Variants in AGFG1 observed in about 807,000 individuals in gnomAD.
AGFG1 encodes ArfGAP with FG repeats 1, also known as arf-GAP domain and FG repeat-containing protein 1.
A neutral mutation model predicts 60.6 loss-of-function variants in AGFG1; 10 were observed. The ratio of observed to expected loss-of-function variants is 0.16; its 90% CI spans 0.10 to 0.28. AGFG1 has a LOEUF of 0.28. AGFG1 is among the 10% of genes least tolerant of loss of function. The probability of loss-of-function intolerance (pLI) is 1.00; values close to 1 mark genes in which losing one functional copy is unlikely to be tolerated. For synonymous variants in AGFG1, 247 were observed against 242.9 expected (o/e 1.02, Z -0.16); for missense variants, 537 against 676.5 (o/e 0.79, Z 2.29).
At chr2:227,511,933 T>C (rs895562155) in intron 2 of AGFG1, among the ~76,000 whole-genome samples, 1 of 152,192 alleles carries the variant, frequency 6.6e-6, no homozygotes, top group Non-Finnish European at 1.5e-5. Context: ...GGAAAGAGTT[T>C]AGAAATTAGT....
intron 10 of AGFG1, among the ~76,000 whole-genome samples, chr2:227,548,099 T>C (rs1029321774): frequency 2.0e-5 from 3 of 152,086 alleles, no homozygotes; most frequent in Admixed American, 6.5e-5. Flanking sequence ...AGGCCACATA[T>C]TTGTGGTGGC....
intron 10 of AGFG1, among the ~76,000 whole-genome samples, chr2:227,550,864 G>T (rs1463065261): frequency 1.3e-5 from 2 of 152,124 alleles, no homozygotes; most frequent in Non-Finnish European, 2.9e-5. Flanking sequence ...AATTTTCATG[G>T]TATTTTGATT....
intron 2 of AGFG1, among the ~76,000 whole-genome samples, chr2:227,498,912 T>TA (rs1243860579): frequency 2.6e-5 from 4 of 152,210 alleles, no homozygotes; most frequent in East Asian, 1.9e-4. Context: ...TGTTATCTTC[T>TA]AAAAAATCTT....
At chr2:227,499,434 G>A (rs182629981) in intron 2 of AGFG1, among the ~76,000 whole-genome samples, 6 of 152,172 alleles carry the variant, frequency 3.9e-5, no homozygotes, top group Non-Finnish European at 8.8e-5. Context: ...GAGGCCAGGA[G>A]TTCGAGTCTA....
chr2:227,553,616 A>G, intron 11 of AGFG1, 88 bp from the exon 12 acceptor site: 1 of 1,063,372 alleles, frequency 9.4e-7, no homozygotes. Flanking sequence ...TCTGGTAGGA[A>G]TGTCTCTGAA....
At chr2:227,549,905 A>G (rs775946645) in intron 10 of AGFG1, among the ~76,000 whole-genome samples, 10 of 152,212 alleles carry the variant, frequency 6.6e-5, no homozygotes, top group Non-Finnish European at 1.5e-4. Context: ...TAAAAGTCTT[A>G]TTTTGTGAAT....
At chr2:227,474,995 G>A (rs1359673434) in intron 1 of AGFG1, among the ~76,000 whole-genome samples, 2 of 152,110 alleles carry the variant, frequency 1.3e-5, no homozygotes, top group Non-Finnish European at 2.9e-5. Flanking sequence ...CTGGTATATA[G>A]CAAGTGCCCT....
chr2:227,509,122 G>A (rs1282128627), intron 2 of AGFG1, among the ~76,000 whole-genome samples: 5 of 152,166 alleles, frequency 3.3e-5, no homozygotes, highest in Non-Finnish European at 7.4e-5. Flanking sequence ...GACTTTAAAT[G>A]GATAAAGATA....
chr2:227,472,327 CGGCCGCGGCCAGGGCGGCCCGTGG>C lies in AGFG1; in HGVS notation c.-93_-70del. The C allele has an allele frequency of 1.2e-6, 1 of 819,312 alleles. No homozygotes were observed. Among genetic ancestry groups the C allele is most frequent in the African/African-American group, 1.9e-5 (1 of 53,482 alleles). The allele number at this position is 819,312 out of a possible 1,614,324, so 50.8% of individuals were successfully genotyped here. A position where few individuals can be genotyped will look rare whatever the true frequency, so the allele number is the denominator to read the frequency against. ...GGCGGCGCGCGCAGACGGAGGGCGG[CGGCCGCGGCCAGGGCGGCCCGTGG>C]GACCGCGGGCCCCCGGCGCAGCGCT... On this transcript the variant is annotated 5_prime_UTR_variant, in exon 1 of 13. Coordinates refer to ENST00000310078, the MANE Select transcript of AGFG1 (RefSeq NM_004504.5).
intron 9 of AGFG1, 85 bp from the exon 10 acceptor site, chr2:227,536,816 T>C: frequency 6.5e-7 from 1 of 1,544,954 alleles, no homozygotes; most frequent in South Asian, 1.2e-5. Context: ...TTGAGTTTTC[T>C]GTCTTGATAA....
intron 2 of AGFG1, among the ~76,000 whole-genome samples, chr2:227,514,905 G>A (rs1182878703): frequency 2.0e-5 from 3 of 151,864 alleles, no homozygotes; most frequent in Middle Eastern, 3.2e-3. Context: ...CATACCAGTC[G>A]GTCTCCCTCA....
intron 10 of AGFG1, among the ~76,000 whole-genome samples, chr2:227,539,442 C>CAAA (rs542351308): frequency 2.5e-5 from 1 of 39,484 alleles, no homozygotes; most frequent in East Asian, 8.9e-4. Flanking sequence ...GACTCTGTCT[C>CAAA]AAAAAAAACA....
At chr2:227,526,677 GGATCACA>G (rs1692005400) in intron 5 of AGFG1, among the ~76,000 whole-genome samples, 1 of 150,446 alleles carries the variant, frequency 6.6e-6, no homozygotes, top group South Asian at 2.1e-4. Flanking sequence ...TGAGTAACTG[GGATCACA>G]GGCGCCCGCC....
intron 1 of AGFG1, among the ~76,000 whole-genome samples, chr2:227,490,082 C>G (rs943794792): frequency 6.6e-6 from 1 of 152,096 alleles, no homozygotes; most frequent in Non-Finnish European, 1.5e-5. Flanking sequence ...CCCCAAAGTG[C>G]TGGGGTTACA....
chr2:227,480,803 A>G (rs1433130511), intron 1 of AGFG1, among the ~76,000 whole-genome samples: 1 of 152,180 alleles, frequency 6.6e-6, no homozygotes, highest in Non-Finnish European at 1.5e-5. Flanking sequence ...ATGAGAGGTC[A>G]TTTTTGAAAG....
At chr2:227,549,147 A>G (rs993007074) in intron 10 of AGFG1, among the ~76,000 whole-genome samples, 3 of 152,178 alleles carry the variant, frequency 2.0e-5, no homozygotes, top group African/African-American at 4.8e-5. Flanking sequence ...AAGTATAGAT[A>G]CTATTGTCTC....
Position 227,531,170 on chromosome 2 carries a change from C to T in AGFG1, c.774C>T (p.Phe258=), listed in dbSNP as rs1376251517. Residue 258 remains phenylalanine (F), a synonymous_variant, in exon 6 of 13, where the codon TTC becomes TTT. Coordinates refer to ENST00000310078, the MANE Select transcript of AGFG1 (RefSeq NM_004504.5). ...GTGGTTCGAGTAATTTTGGAGGTTT[C>T]CCCACAGCAAGTCACTCTCCTTTTC... ...QSSGSSNFGG[F]PTASHSPFQP... 6.2e-7 allele frequency: 1 copy of T among 1,613,570 alleles called. No individual in the cohort carries two copies. The highest frequency in any genetic ancestry group is 8.5e-7 in the Non-Finnish European group (1 of 1,179,776).
chr2:227,515,674 C>A (rs1295981933), intron 2 of AGFG1, among the ~76,000 whole-genome samples: 2 of 152,088 alleles, frequency 1.3e-5, no homozygotes, highest in Non-Finnish European at 2.9e-5. Flanking sequence ...AGAAAAAAAG[C>A]CTTCGGACTA....
chr2:227,489,819 C>A (rs1690748387), intron 1 of AGFG1, among the ~76,000 whole-genome samples: 1 of 144,764 alleles, frequency 6.9e-6, no homozygotes, highest in Admixed American at 6.9e-5. Flanking sequence ...AGCAAAAATA[C>A]TTTTTTTTTT....
Sources: allele counts gnomAD v4.1 joint callset (sites outside exome capture counted in the v4.1 genomes callset), GRCh38; gene constraint gnomAD v4.1.1; transcripts MANE v1.5; gene names NCBI Gene and HGNC (gene_info 2026-07-23, HGNC 2026-07-21).